VPS13B: variants seen among roughly 807,000 people sequenced by gnomAD.
The protein encoded by VPS13B is vacuolar protein sorting 13 homolog B, also known as intermembrane lipid transfer protein VPS13B.
A neutral mutation model predicts 426.4 loss-of-function variants in VPS13B; 285 were observed. The ratio of observed to expected loss-of-function variants is 0.67; its 90% CI spans 0.61 to 0.74. The LOEUF (loss-of-function observed/expected upper bound fraction) is 0.74, where lower values mean the gene tolerates loss of function less well. Among genes scored for constraint, VPS13B ranks in the 30% least tolerant of loss-of-function variants. The pLI is 0.00. For missense variants in VPS13B, 4,537 were observed against 4,782.6 expected (o/e 0.95, Z 1.51); for synonymous variants, 1,676 against 1,676.4 (o/e 1.00, Z 0.01).
At chr8:99,729,895 G>C (rs1833518943) in intron 39 of VPS13B, among the ~76,000 whole-genome samples, 1 of 152,122 alleles carries the variant, frequency 6.6e-6, no homozygotes, top group African/African-American at 2.4e-5. Context: ...CTTTAAATTT[G>C]ACTTTACAAG....
At chr8:99,258,818 C>A (rs1043782191) in intron 17 of VPS13B, among the ~76,000 whole-genome samples, 4 of 151,824 alleles carry the variant, frequency 2.6e-5, no homozygotes, top group Non-Finnish European at 5.9e-5. Context: ...AAATCCAGTC[C>A]CTGACTTTTT....
chr8:99,518,326 A>G (rs1193043127), intron 29 of VPS13B, among the ~76,000 whole-genome samples: 3 of 152,190 alleles, frequency 2.0e-5, no homozygotes, highest in African/African-American at 7.2e-5. Flanking sequence ...TTTTACCCAC[A>G]TGGAACTATT....
chr8:99,465,963 A>G (rs1819090055), intron 23 of VPS13B, among the ~76,000 whole-genome samples: 1 of 152,136 alleles, frequency 6.6e-6, no homozygotes, highest in African/African-American at 2.4e-5. Context: ...TTTGGTCAAG[A>G]CATTTTTAAT....
intron 28 of VPS13B, chr8:99,508,003 G>A: frequency 8.3e-6 from 13 of 1,575,688 alleles, no homozygotes; most frequent in South Asian, 4.5e-5. Context: ...CTCTTGATTT[G>A]TGTTTTCCTC....
intron 19 of VPS13B, among the ~76,000 whole-genome samples, chr8:99,323,210 T>C (rs1462414285): frequency 6.6e-6 from 1 of 152,188 alleles, no homozygotes; most frequent in African/African-American, 2.4e-5. Flanking sequence ...CTTTCATACC[T>C]ATCATGACAC....
intron 31 of VPS13B, among the ~76,000 whole-genome samples, chr8:99,573,494 A>T (rs1478666695): frequency 3.3e-5 from 5 of 152,124 alleles, no homozygotes; most frequent in African/African-American, 9.7e-5. Context: ...TAAGGAAGGG[A>T]TTGAGTTTCA....
chr8:99,859,293 G>A lies in VPS13B; in HGVS notation c.10868-11G>A, dbSNP rs373157768. 1 of 1,613,238 alleles carries A rather than the reference G, an allele frequency of 6.2e-7. No individual in the cohort carries two copies. Among genetic ancestry groups the A allele is most frequent in the Non-Finnish European group, 8.5e-7 (1 of 1,179,890 alleles). ...AGGTTTCAATCACCCCTTCCCTCTT[G>A]TGCGTTGCAGGCTGGGTAGTTGGGT... On this transcript the variant is annotated splice_polypyrimidine_tract_variant and intron_variant, in intron 56 of 61. Transcript: ENST00000357162.
intron 33 of VPS13B, among the ~76,000 whole-genome samples, chr8:99,625,863 AC>A (rs1471628859): frequency 4.6e-5 from 7 of 152,134 alleles, no homozygotes; most frequent in African/African-American, 1.7e-4. Flanking sequence ...AACAACAACA[AC>A]AACAAAAAAA....
At chr8:99,169,952 T>TA in intron 15 of VPS13B, 87 bp from the exon 16 acceptor site, 2 of 1,499,030 alleles carry the variant, frequency 1.3e-6, no homozygotes, top group African/African-American at 1.4e-5. Context: ...GCAGCTGTTG[T>TA]AAAGCAAGTT....
chr8:99,410,785 C>T (rs1815607084), intron 21 of VPS13B, among the ~76,000 whole-genome samples: 2 of 152,042 alleles, frequency 1.3e-5, no homozygotes, highest in African/African-American at 4.8e-5. Flanking sequence ...TGTTGTTCAA[C>T]TCCCACTTAC....
chr8:99,750,031 T>C (rs929837798), intron 39 of VPS13B, among the ~76,000 whole-genome samples: 2 of 152,198 alleles, frequency 1.3e-5, no homozygotes, highest in African/African-American at 4.8e-5. Context: ...ACATCTTATC[T>C]ATTTTTTAAA....
At chr8:99,268,799 G>A (rs151081720) in intron 17 of VPS13B, among the ~76,000 whole-genome samples, 2 of 152,052 alleles carry the variant, frequency 1.3e-5, no homozygotes, top group Non-Finnish European at 2.9e-5. Flanking sequence ...TGGGATTTTG[G>A]GGGGGCCAGG....
rs1373164675 is a variant in VPS13B, at chr8:99,096,303, TA to T, written c.292-4del. 1.9e-6 allele frequency: 3 copies of T among 1,613,562 alleles called. No homozygotes were observed. ...TGGTTTTCTTTTTCTTTCTTTAAAA[TA>T]AAAATAGGATGACCATGAAAGCTGT... On this transcript the variant is annotated splice_polypyrimidine_tract_variant and splice_region_variant and intron_variant, in intron 3 of 61. Transcript: ENST00000357162.
intron 3 of VPS13B, among the ~76,000 whole-genome samples, chr8:99,044,716 A>G (rs773163357): frequency 6.6e-6 from 1 of 152,064 alleles, no homozygotes; most frequent in African/African-American, 2.4e-5. Flanking sequence ...TAGCTTCCAC[A>G]TATCAGTGAG....
chr8:99,201,664 A>T (rs1235822336), intron 17 of VPS13B, among the ~76,000 whole-genome samples: 1 of 152,196 alleles, frequency 6.6e-6, no homozygotes, highest in East Asian at 1.9e-4. Context: ...CAAAAATCAA[A>T]TTAAAAGTAT....
intron 25 of VPS13B, among the ~76,000 whole-genome samples, chr8:99,497,268 G>A (rs13265304): frequency 7.5e-6 from 1 of 133,608 alleles, no homozygotes. Flanking sequence ...TATCATATAT[G>A]TATATATTTA....
chr8:99,038,485 A>G lies in VPS13B; in HGVS notation c.210A>G (p.Pro70=), dbSNP rs201517617. The change falls in exon 3 of 62, where the codon CCA becomes CCG. Residue 70 remains proline (P), a synonymous_variant. Transcript: ENST00000357162. ...GHIHELRIHV[P]WTKLGSEPVV... ...TTCATGAATTGAGGATTCATGTACC[A>G]TGGACAAAACTGGGTTCAGAACCAG... 6 of 1,612,346 alleles carry G rather than the reference A, an allele frequency of 3.7e-6. No homozygotes were observed. The highest frequency in any genetic ancestry group is 5.1e-6 in the Non-Finnish European group (6 of 1,179,004).
intron 19 of VPS13B, among the ~76,000 whole-genome samples, chr8:99,379,285 T>A (rs1338515238): frequency 1.3e-5 from 2 of 152,130 alleles, no homozygotes; most frequent in African/African-American, 2.4e-5. Context: ...CACAAGAAAG[T>A]CTAAGGCTCA....
intron 39 of VPS13B, among the ~76,000 whole-genome samples, chr8:99,761,160 AAC>A (rs1442863776): frequency 6.6e-6 from 1 of 150,524 alleles, no homozygotes; most frequent in African/African-American, 2.4e-5. Context: ...TGCCTTTGTT[AAC>A]AGAGTAAAAT....
Sources: gnomAD v4.1 joint callset for allele counts (sites outside exome capture counted in the v4.1 genomes callset) on GRCh38, gnomAD v4.1.1 for gene constraint, MANE v1.5 for transcripts, NCBI Gene and HGNC (gene_info 2026-07-23, HGNC 2026-07-21) for gene names.